Variants in AKT3 observed in about 807,000 individuals in gnomAD.
AKT3 encodes AKT serine/threonine kinase 3.
AKT3 carries 15 observed loss-of-function variants against 65.3 expected under a neutral mutation model. The observed-to-expected ratio is 0.23, with a 90% CI of 0.15 to 0.35. The LOEUF (loss-of-function observed/expected upper bound fraction) is 0.35. AKT3 is among the 10% of genes least tolerant of loss of function. AKT3 has a pLI of 1.00. For synonymous variants in AKT3, 206 were observed against 183.8 expected (o/e 1.12, Z -0.98); for missense variants, 243 against 576.5 (o/e 0.42, Z 5.92).
chr1:243,614,614 A>G (rs1678157232), intron 7 of AKT3, among the ~76,000 whole-genome samples: 1 of 152,262 alleles, frequency 6.6e-6, no homozygotes, highest in East Asian at 1.9e-4. Context: ...CATATTTCTT[A>G]AAGTACTCTA....
chr1:243,597,563 G>C (rs1298544933), intron 8 of AKT3, among the ~76,000 whole-genome samples: 1 of 152,098 alleles, frequency 6.6e-6, no homozygotes, highest in Non-Finnish European at 1.5e-5. Context: ...AAGTGCAGTC[G>C]CATGATGGCT....
intron 13 of AKT3, among the ~76,000 whole-genome samples, chr1:243,493,425 T>G (rs1667059688): frequency 6.6e-6 from 1 of 152,106 alleles, no homozygotes; most frequent in African/African-American, 2.4e-5. Flanking sequence ...AAACAGAAAT[T>G]ATCTGTCCAC....
intron 6 of AKT3, among the ~76,000 whole-genome samples, chr1:243,632,016 T>A (rs956713754): frequency 6.6e-6 from 1 of 152,188 alleles, no homozygotes; most frequent in African/African-American, 2.4e-5. Flanking sequence ...CCATGAAGAT[T>A]GGAATCAACT....
intron 6 of AKT3, among the ~76,000 whole-genome samples, chr1:243,630,904 A>G (rs1029794734): frequency 5.9e-5 from 9 of 152,190 alleles, no homozygotes; most frequent in African/African-American, 2.2e-4. Context: ...GTAATGAAGG[A>G]AAGGTTACTC....
chr1:243,746,100 T>C (rs1379700), intron 2 of AKT3, among the ~76,000 whole-genome samples: 84,290 of 152,020 alleles, frequency 0.55, 26,379 homozygotes, highest in Non-Finnish European at 0.71. Flanking sequence ...GATGATTTTT[T>C]ACTTTGCTTT....
At chr1:243,792,634 G>T (rs1691700175) in intron 2 of AKT3, among the ~76,000 whole-genome samples, 1 of 152,106 alleles carries the variant, frequency 6.6e-6, no homozygotes, top group African/African-American at 2.4e-5. Flanking sequence ...CTACATGGGG[G>T]AGGGGAGAAG....
chr1:243,744,488 C>T (rs557923617), intron 2 of AKT3, among the ~76,000 whole-genome samples: 1 of 152,150 alleles, frequency 6.6e-6, no homozygotes, highest in Admixed American at 6.5e-5. Flanking sequence ...GCCTGTAATC[C>T]CAGCACTTTG....
intron 2 of AKT3, among the ~76,000 whole-genome samples, chr1:243,742,529 G>A (rs1289132274): frequency 6.6e-6 from 1 of 152,174 alleles, no homozygotes; most frequent in Non-Finnish European, 1.5e-5. Flanking sequence ...GGAGGCTGAG[G>A]CAGGATAATC....
chr1:243,649,319 G>A (rs900979342), intron 4 of AKT3, among the ~76,000 whole-genome samples: 214 of 16,496 alleles, frequency 0.013, 1 homozygote, highest in Non-Finnish European at 0.058. Context: ...GTATATGTGT[G>A]TGTGTGTGTG....
rs78790536 is a variant in AKT3 at position 243,792,712 on chromosome 1, C to T, written c.46+50413G>A. On this transcript the variant is annotated intron_variant, in intron 2 of 13. Coordinates refer to ENST00000673466, the MANE Select transcript of AKT3 (RefSeq NM_005465.7). ...AGGTGAGAGCTTCATGTGTACAACA[C>T]CAAGAGATCACTTATCTCTGTAGGA... Among the ~76,000 whole-genome samples, 777 of 152,220 alleles carry T rather than the reference C, an allele frequency of 5.1e-3. 9 individuals carry two copies. The highest frequency in any genetic ancestry group is 0.018 in the African/African-American group (737 of 41,546).
intron 3 of AKT3, among the ~76,000 whole-genome samples, chr1:243,677,223 A>G (rs1194913377): frequency 6.6e-6 from 1 of 152,182 alleles, no homozygotes; most frequent in African/African-American, 2.4e-5. Flanking sequence ...CTTAGATTCT[A>G]GTCACTCAAG....
downstream of AKT3, chr1:243,499,701 A>AAAT (rs1481487221): frequency 1.4e-6 from 2 of 1,384,054 alleles, no homozygotes; most frequent in Admixed American, 1.7e-5. Flanking sequence ...ATGAGAAGAC[A>AAAT]AATAACATTG....
At chr1:243,543,336 T>C (rs546634449) in intron 12 of AKT3, among the ~76,000 whole-genome samples, 4 of 152,250 alleles carry the variant, frequency 2.6e-5, no homozygotes, top group Middle Eastern at 3.4e-3. Context: ...TAAGGAAACG[T>C]TGTAGCAAAT....
At chr1:243,496,589 C>T (rs1449093188), downstream of AKT3, among the ~76,000 whole-genome samples, 3 of 152,236 alleles carry the variant, frequency 2.0e-5, no homozygotes, top group African/African-American at 4.8e-5. Context: ...TTGGCTAGAG[C>T]CACCCACGGA....
At chr1:243,564,345 G>A (rs1335616724) in intron 9 of AKT3, among the ~76,000 whole-genome samples, 3 of 152,018 alleles carry the variant, frequency 2.0e-5, no homozygotes, top group East Asian at 1.9e-4. Context: ...AAGGTAAGGC[G>A]ATATCCTCTT....
At chr1:243,526,395 G>A (rs377221082) in intron 12 of AKT3, among the ~76,000 whole-genome samples, 1 of 152,144 alleles carries the variant, frequency 6.6e-6, no homozygotes, top group African/African-American at 2.4e-5. Context: ...AGGAGGTGGA[G>A]CTGATGCAGG....
intron 8 of AKT3, 143 bp downstream of exon 8, chr1:243,613,528 C>A: frequency 2.1e-6 from 1 of 471,740 alleles, no homozygotes; most frequent in South Asian, 8.8e-5. Flanking sequence ...TAATTTCGCT[C>A]CCATTTGTTC....
chr1:243,652,788 A>AAG (rs1381214412), intron 4 of AKT3, among the ~76,000 whole-genome samples: 17 of 149,564 alleles, frequency 1.1e-4, no homozygotes, highest in Non-Finnish European at 3.0e-5. Context: ...AAAAAAAAAA[A>AAG]AAAAAGCAGG....
chr1:243,744,738 CA>C (rs932389262), intron 2 of AKT3, among the ~76,000 whole-genome samples: 2,242 of 53,278 alleles, frequency 0.042, 24 homozygotes, highest in African/African-American at 0.1. Flanking sequence ...GACTCCGTCT[CA>C]AAAAAAAAAA....
Sources: allele counts gnomAD v4.1 joint callset (sites outside exome capture counted in the v4.1 genomes callset), GRCh38; gene constraint gnomAD v4.1.1; transcripts MANE v1.5; gene names NCBI Gene and HGNC (gene_info 2026-07-23, HGNC 2026-07-21).